Variants in DMD observed in about 807,000 individuals in gnomAD.
DMD encodes the protein dystrophin, also known as mutant dystrophin.
Under a neutral mutation model 330.1 loss-of-function variants are expected in DMD, and 63 were observed. That is an observed-to-expected ratio of 0.19 (90% CI 0.16 to 0.24). DMD has a LOEUF of 0.24. Ranked by LOEUF, DMD falls within the 10% of genes least tolerant of loss-of-function variation. The probability of loss-of-function intolerance (pLI) is 1.00; values close to 1 mark genes in which losing one functional copy is unlikely to be tolerated. For missense variants in DMD, 3,344 were observed against 2,684.1 expected (o/e 1.25, Z -5.43); for synonymous variants, 1,223 against 959.8 (o/e 1.27, Z -5.07).
chrX:33,125,241 A>G (rs1397743488), intron 1 of DMD, among the ~76,000 whole-genome samples: 1 of 110,775 alleles, frequency 9.0e-6, no homozygotes, highest in African/African-American at 3.3e-5. Flanking sequence ...CCATCTTATC[A>G]AACTGGAATA....
intron 44 of DMD, among the ~76,000 whole-genome samples, chrX:32,193,584 C>G (rs544914085): frequency 2.7e-5 from 3 of 111,303 alleles, no homozygotes; most frequent in South Asian, 7.7e-4. Context: ...AGCAAATAAC[C>G]CTTTATTTTT....
intron 60 of DMD, among the ~76,000 whole-genome samples, chrX:31,418,716 T>C (rs2063208121): frequency 2.7e-5 from 3 of 112,254 alleles, no homozygotes; most frequent in African/African-American, 9.7e-5. Flanking sequence ...GATGAGAACT[T>C]GATCCACAAG....
At chrX:31,480,511 T>C (rs7879052) in intron 57 of DMD, among the ~76,000 whole-genome samples, 1,885 of 110,049 alleles carry the variant, frequency 0.017, 46 homozygotes, top group African/African-American at 0.059. Flanking sequence ...TCTGCTTACA[T>C]ATAAAGCTGA....
chrX:31,491,649 G>T (rs2069313908), intron 57 of DMD, among the ~76,000 whole-genome samples: 1 of 111,516 alleles, frequency 9.0e-6, no homozygotes, highest in African/African-American at 3.3e-5. Context: ...CAGCTGGTTT[G>T]GGGAGCACAG....
chrX:32,459,881 C>T (rs2098377065), intron 25 of DMD, among the ~76,000 whole-genome samples: 1 of 111,098 alleles, frequency 9.0e-6, no homozygotes, highest in African/African-American at 3.3e-5. Flanking sequence ...GATACTAATC[C>T]TCTGTTGGAT....
At position 31,679,384 on chromosome X, in the gene DMD, T is replaced by C. The variant is rs777640637; in HGVS notation, c.7863A>G (p.Thr2621=). ...TATCTTTGATACTAACCTTGGTTTCTGTGATTTTCTTTTGGATTGCATCTA... is the reference window on the plus strand; with the variant it reads ...TATCTTTGATACTAACCTTGGTTTCCGTGATTTTCTTTTGGATTGCATCTA... The part of the protein sequence containing the change: ...YTVDAIQKKI[T]ETKQLAKDLR... Residue 2621 remains threonine, a synonymous_variant, in exon 53 of 79, where the codon ACA becomes ACG. Coordinates refer to ENST00000357033, the MANE Select transcript of DMD (RefSeq NM_004006.3). 5.0e-6 allele frequency: 6 copies of C among 1,206,142 alleles called. No homozygotes were observed. Among genetic ancestry groups the C allele is most frequent in the Non-Finnish European group, 6.7e-6 (6 of 891,913 alleles).
chrX:32,190,177 C>T (rs1207774188), intron 44 of DMD, among the ~76,000 whole-genome samples: 1 of 110,933 alleles, frequency 9.0e-6, no homozygotes, highest in South Asian at 3.8e-4. Flanking sequence ...GTGGACAGGG[C>T]AGTCCACCAC....
intron 5 of DMD, among the ~76,000 whole-genome samples, chrX:32,817,152 T>C (rs927183227): frequency 8.9e-6 from 1 of 111,754 alleles, no homozygotes; most frequent in African/African-American, 3.3e-5. Flanking sequence ...GCAAGGTTAG[T>C]GTAAGATCAA....
At chrX:31,636,646 T>C (rs889800718) in intron 54 of DMD, among the ~76,000 whole-genome samples, 9 of 111,818 alleles carry the variant, frequency 8.0e-5, no homozygotes, top group African/African-American at 2.9e-4. Flanking sequence ...AGTCTCCCTG[T>C]GAAGTAAATA....
intron 11 of DMD, among the ~76,000 whole-genome samples, chrX:32,620,833 A>C (rs986911736): frequency 8.9e-6 from 1 of 112,261 alleles, no homozygotes; most frequent in African/African-American, 3.2e-5. Flanking sequence ...ATTTATATAC[A>C]TTCCTGAGGG....
intron 18 of DMD, among the ~76,000 whole-genome samples, chrX:32,503,868 T>A (rs1200369131): frequency 2.7e-5 from 3 of 111,789 alleles, no homozygotes; most frequent in African/African-American, 9.8e-5. Context: ...GAATAAAGGT[T>A]TTCTTAAAAA....
At chrX:31,289,819 A>G (rs1266425100) in intron 62 of DMD, among the ~76,000 whole-genome samples, 4 of 110,740 alleles carry the variant, frequency 3.6e-5, no homozygotes, top group African/African-American at 9.8e-5. Context: ...ATAACTGCTA[A>G]TTTATTTTTT....
At chrX:32,207,916 A>T (rs1482849689) in intron 44 of DMD, among the ~76,000 whole-genome samples, 1 of 112,028 alleles carries the variant, frequency 8.9e-6, no homozygotes, top group Admixed American at 9.5e-5. Context: ...AAAAAATAGA[A>T]ATTCAAGGAT....
intron 1 of DMD, among the ~76,000 whole-genome samples, chrX:33,264,575 A>G (rs2053012048): frequency 9.0e-6 from 1 of 111,299 alleles, no homozygotes; most frequent in African/African-American, 3.3e-5. Context: ...TAAGCCACCA[A>G]CCAGCAAAAT....
chrX:31,375,570 T>C (rs60675682), intron 60 of DMD, among the ~76,000 whole-genome samples: 8,896 of 111,416 alleles, frequency 0.08, 238 homozygotes, highest in Middle Eastern at 0.14. Flanking sequence ...TAATAGGTGA[T>C]ACTTGAGGAC....
intron 7 of DMD, among the ~76,000 whole-genome samples, chrX:32,781,862 T>G (rs980092771): frequency 1.8e-5 from 2 of 111,257 alleles, no homozygotes; most frequent in African/African-American, 6.5e-5. Flanking sequence ...TGAGTCACCT[T>G]TAAGAGACAT....
intron 2 of DMD, among the ~76,000 whole-genome samples, chrX:32,925,760 T>C (rs1419594666): frequency 8.9e-6 from 1 of 111,916 alleles, no homozygotes; most frequent in Non-Finnish European, 1.9e-5. Context: ...GTTATAATCT[T>C]CAAGAAAAGG....
intron 55 of DMD, among the ~76,000 whole-genome samples, chrX:31,539,444 A>G (rs764025401): frequency 2.9e-4 from 32 of 112,022 alleles, no homozygotes; most frequent in Non-Finnish European, 5.5e-4. Context: ...GCTGCCTTTC[A>G]AATTTTAACC....
intron 55 of DMD, among the ~76,000 whole-genome samples, chrX:31,575,883 A>G (rs763838699): frequency 1.4e-4 from 16 of 112,294 alleles, no homozygotes; most frequent in Non-Finnish European, 1.7e-4. Flanking sequence ...TACTAATTCA[A>G]GCATCATCAA....
Sources: allele counts gnomAD v4.1 joint callset (sites outside exome capture counted in the v4.1 genomes callset), GRCh38; gene constraint gnomAD v4.1.1; transcripts MANE v1.5; gene names NCBI Gene and HGNC (gene_info 2026-07-23, HGNC 2026-07-21).